Variants in GREB1L observed in about 807,000 individuals in gnomAD.
GREB1L encodes the protein GREB1 like retinoic acid receptor coactivator.
In GREB1L, 17 loss-of-function variants were observed where a neutral mutation model predicts 200.8. That is an observed-to-expected ratio of 0.08 (90% CI 0.06 to 0.13). GREB1L has a LOEUF of 0.13. Ranked by LOEUF, GREB1L falls within the 10% of genes least tolerant of loss-of-function variation. The pLI, the probability that GREB1L is intolerant of heterozygous loss-of-function variation, is 1.00. For synonymous variants in GREB1L, 789 were observed against 893.0 expected, an observed-to-expected ratio of 0.88 and a Z score of 2.08; for missense variants, 1,657 against 2,367.7, an observed-to-expected ratio of 0.70 and a Z score of 6.23.
At chr18:21,434,497 ATATGTG>A (rs781384736) in intron 7 of GREB1L, among the ~76,000 whole-genome samples, 79 of 122,450 alleles carry the variant, frequency 6.5e-4, no homozygotes, top group African/African-American at 2.1e-3. Context: ...ATATATATAT[ATATGTG>A]TGTGTGTGTG....
chr18:21,404,019 TTC>T (rs1370026763), intron 7 of GREB1L, 25 bp downstream of exon 7: 2 of 1,544,132 alleles, frequency 1.3e-6, no homozygotes, highest in Admixed American at 2.0e-5. Flanking sequence ...CTTTTGGCAT[TTC>T]AAGCATCACA....
At chr18:21,369,410 G>T (rs577721563) in intron 2 of GREB1L, among the ~76,000 whole-genome samples, 1 of 152,240 alleles carries the variant, frequency 6.6e-6, no homozygotes, top group South Asian at 2.1e-4. Context: ...CACAAGGATT[G>T]CCTCTGGTAA....
rs768793240 is a variant in GREB1L, at chr18:21,407,031, C to T, written c.832+3037C>T. ...CTGGGATTACAGGCGCATGCCACCA[C>T]GCCCGGCTGATTTTTGTATTTTTAG... is the stretch of plus-strand genomic sequence containing the variant. On this transcript the variant is annotated intron_variant, in intron 7 of 32. Transcript: ENST00000424526. Among the ~76,000 whole-genome samples the T allele has an allele frequency of 5.3e-5, 8 of 152,060 alleles. No individual in the cohort carries two copies. In the South Asian group the frequency reaches 8.3e-4, roughly 16 times the overall value.
intron 7 of GREB1L, among the ~76,000 whole-genome samples, chr18:21,408,994 C>T (rs1480247558): frequency 6.6e-6 from 1 of 152,058 alleles, no homozygotes; most frequent in Non-Finnish European, 1.5e-5. Context: ...CATAAAACTA[C>T]CATGCAACCC....
At position 21,274,978 on chromosome 18, in the gene GREB1L, C is replaced by T. The variant is rs2038138854; in HGVS notation, c.-120+32585C>T. 2.0e-5 allele frequency among the ~76,000 whole-genome samples: 3 copies of T among 152,042 alleles called. 1 individual carries two copies. The highest frequency in any genetic ancestry group is 4.1e-4 in the South Asian group (2 of 4,820). ...ATAAAATAGTCTGGGCTTGGTGGCT[C>T]ATGCCTGTAATCCAGCACTTTGAGA... On this transcript the variant is annotated intron_variant, in intron 1 of 32. Coordinates refer to ENST00000424526, the MANE Select transcript of GREB1L (RefSeq NM_001142966.3).
intron 25 of GREB1L, among the ~76,000 whole-genome samples, chr18:21,506,613 G>A (rs2037032058): frequency 6.6e-6 from 1 of 152,132 alleles, no homozygotes; most frequent in Non-Finnish European, 1.5e-5. Flanking sequence ...CTTCCCTTTG[G>A]AGCACTGACT....
chr18:21,402,723 A>T (rs2041371055), intron 6 of GREB1L, among the ~76,000 whole-genome samples: 1 of 151,838 alleles, frequency 6.6e-6, no homozygotes, highest in Non-Finnish European at 1.5e-5. Flanking sequence ...GGGTTTCGCC[A>T]TGTTGCCCAG....
chr18:21,328,241 A>G (rs2039054718), intron 1 of GREB1L, among the ~76,000 whole-genome samples: 1 of 151,674 alleles, frequency 6.6e-6, no homozygotes, highest in African/African-American at 2.4e-5. Flanking sequence ...CCCTAATCAC[A>G]CTGGATGGAA....
chr18:21,283,486 G>T (rs2038305263), intron 1 of GREB1L, among the ~76,000 whole-genome samples: 1 of 152,104 alleles, frequency 6.6e-6, no homozygotes, highest in Admixed American at 6.5e-5. Flanking sequence ...TCTGTGTTGG[G>T]GTATCTCATC....
At chr18:21,243,833 A>ATATTGAAAAGT (rs1384647066) in intron 1 of GREB1L, among the ~76,000 whole-genome samples, 2 of 76,328 alleles carry the variant, frequency 2.6e-5, no homozygotes, top group Admixed American at 2.9e-4. Context: ...TAATGAATGA[A>ATATTGAAAAGT]TATATAAGTA....
chr18:21,364,322 C>G (rs139257905), intron 1 of GREB1L, among the ~76,000 whole-genome samples: 95 of 152,088 alleles, frequency 6.2e-4, no homozygotes, highest in African/African-American at 2.2e-3. Flanking sequence ...TCTGTCAGAA[C>G]AAGTTGGAGA....
intron 7 of GREB1L, among the ~76,000 whole-genome samples, chr18:21,430,994 T>TTTA (rs2033106645): frequency 2.8e-5 from 4 of 140,996 alleles, no homozygotes; most frequent in East Asian, 2.1e-4. Flanking sequence ...TTTTCATTTA[T>TTTA]TTTATTTATT....
intron 1 of GREB1L, among the ~76,000 whole-genome samples, chr18:21,276,816 A>G (rs2038172947): frequency 6.6e-6 from 1 of 152,124 alleles, no homozygotes; most frequent in Non-Finnish European, 1.5e-5. Flanking sequence ...GTGGGGAGAA[A>G]GAAGGAAAGA....
At chr18:21,370,321 C>T (rs2143725270) in intron 2 of GREB1L, among the ~76,000 whole-genome samples, 1 of 152,140 alleles carries the variant, frequency 6.6e-6, no homozygotes, top group East Asian at 1.9e-4. Flanking sequence ...ACCCAACTAA[C>T]TATAATTGAG....
chr18:21,275,296 C>G (rs1386027145), intron 1 of GREB1L, among the ~76,000 whole-genome samples: 2 of 151,862 alleles, frequency 1.3e-5, no homozygotes, highest in Non-Finnish European at 2.9e-5. Context: ...AGAAACTAAA[C>G]TAGTTGAGAG....
At chr18:21,345,511 G>C (rs773547294) in intron 1 of GREB1L, among the ~76,000 whole-genome samples, 1 of 152,220 alleles carries the variant, frequency 6.6e-6, no homozygotes, top group Non-Finnish European at 1.5e-5. Context: ...TCAGTCAGCT[G>C]TGTGACCTTG....
chr18:21,505,936 C>T lies in GREB1L; in HGVS notation c.4355C>T (p.Thr1452Ile). Residue 1452 changes from threonine (T) to isoleucine (I), a missense_variant, in exon 25 of 33, where the codon ACC (threonine) becomes ATC (isoleucine). Thr to Ile is a moderately conservative substitution (Grantham distance 89). This residue lies in a region of GREB1L where 512 missense variants were observed against 668.3 expected (regional missense o/e 0.77). Coordinates refer to ENST00000424526, the MANE Select transcript of GREB1L (RefSeq NM_001142966.3). ...CAGTGCCGCCAGTACATGGACTTCA[C>T]CTCTGCCTCCCAGGTACCATCCCAC... ...CEQCRQYMDF[T>I]SASQMSDSTL... 6.4e-7 allele frequency: 1 copy of T among 1,551,892 alleles called. No homozygotes were observed. The highest frequency in any genetic ancestry group is 1.2e-5 in the South Asian group (1 of 83,984).
chr18:21,444,387 G>A lies in GREB1L; in HGVS notation c.1371G>A (p.Thr457=), dbSNP rs543793276. 6 of 1,552,246 alleles carry A rather than the reference G, an allele frequency of 3.9e-6. No homozygotes were observed. Among genetic ancestry groups the A allele is most frequent in the African/African-American group, 1.4e-5 (1 of 73,168 alleles). ...GCGTGGAAAACATGATTCTTCTGAC[G>A]ATACAGTATCTTGTGCGGCTGGGTA... ...FLSVENMILL[T]IQYLVRLGPD... The change falls in exon 11 of 33, where the codon ACG becomes ACA. Residue 457 remains threonine (T), a synonymous_variant. Transcript: ENST00000424526.
chr18:21,407,019 C>T (rs1414351312), intron 7 of GREB1L, among the ~76,000 whole-genome samples: 4 of 151,932 alleles, frequency 2.6e-5, no homozygotes, highest in South Asian at 2.1e-4. Flanking sequence ...GGATTACAGG[C>T]GCATGCCACC....
Sources: allele counts gnomAD v4.1 joint callset (sites outside exome capture counted in the v4.1 genomes callset), GRCh38; gene constraint gnomAD v4.1.1; regional missense constraint gnomAD v4.1.1; transcripts MANE v1.5; gene names NCBI Gene and HGNC (gene_info 2026-07-23, HGNC 2026-07-21).